The following DIP2C variants were observed in gnomAD, a reference collection of about 807,000 sequenced individuals.
The protein encoded by DIP2C is DIP2 acetate--CoA ligase C (putative).
A neutral mutation model predicts 192.4 loss-of-function variants in DIP2C; 33 were observed. The ratio of observed to expected loss-of-function variants is 0.17; its 90% CI spans 0.13 to 0.23. The LOEUF is 0.23. Among genes scored for constraint, DIP2C ranks in the 10% least tolerant of loss-of-function variants. The pLI is 1.00. For synonymous variants in DIP2C, 979 were observed against 864.1 expected, an observed-to-expected ratio of 1.13 and a Z score of -2.33; for missense variants, 1,537 against 2,110.1, an observed-to-expected ratio of 0.73 and a Z score of 5.32.
chr10:363,420 TACG>T lies in DIP2C; in HGVS notation c.2478-112_2478-110del, dbSNP rs1392817635. ...CACTAGTGAGTGACACAGCTCCAAC[TACG>T]ACTTCAAAACGGCCGCTGTACTTCC... On this transcript the variant is annotated intron_variant, in intron 20 of 36. Coordinates refer to ENST00000280886, the MANE Select transcript of DIP2C (RefSeq NM_014974.3). This position sits in a 1 kb window ranked among gnomAD's most constrained non-coding sequence, Gnocchi z 5.4. 1.1e-6 allele frequency: 1 copy of T among 891,792 alleles called. No individual in the cohort carries two copies. Among genetic ancestry groups the T allele is most frequent in the South Asian group, 1.5e-5 (1 of 65,794 alleles). The allele number at this position is 891,792 out of a possible 1,614,324, so 55.2% of individuals were successfully genotyped here.
chr10:617,918 CTT>C (rs147643192), intron 1 of DIP2C, among the ~76,000 whole-genome samples: 15,344 of 152,150 alleles, frequency 0.1, 993 homozygotes, highest in African/African-American at 0.18. Flanking sequence ...CAGAAATCCA[CTT>C]TGACTTCCCT....
At chr10:633,723 G>GTA (rs1377326497) in intron 1 of DIP2C, among the ~76,000 whole-genome samples, 1 of 152,230 alleles carries the variant, frequency 6.6e-6, no homozygotes, top group Non-Finnish European at 1.5e-5. Flanking sequence ...ACTAAAAACA[G>GTA]TAGGAGGAAA....
chr10:425,972 T>A (rs1966573310), intron 4 of DIP2C, among the ~76,000 whole-genome samples: 1 of 152,228 alleles, frequency 6.6e-6, no homozygotes, highest in African/African-American at 2.4e-5. Context: ...AGATGTCCCC[T>A]CTTGCCACTT....
At chr10:367,155 C>A (rs891788914) in intron 18 of DIP2C, among the ~76,000 whole-genome samples, 2 of 152,248 alleles carry the variant, frequency 1.3e-5, no homozygotes, top group African/African-American at 4.8e-5. Context: ...CGGTGGCTCA[C>A]GCCTGTAATC....
intron 17 of DIP2C, among the ~76,000 whole-genome samples, chr10:370,857 T>C (rs1960869367): frequency 6.6e-6 from 1 of 152,198 alleles, no homozygotes; most frequent in South Asian, 2.1e-4. Context: ...ACATAAAAGT[T>C]AATATTTGGA....
At chr10:364,132 T>C (rs1168692021) in intron 20 of DIP2C, among the ~76,000 whole-genome samples, 2 of 152,210 alleles carry the variant, frequency 1.3e-5, no homozygotes, top group East Asian at 3.8e-4. Context: ...ATATTTCTAT[T>C]ATACTTAGAG....
At chr10:281,466 T>C in intron 35 of DIP2C, 143 bp from the exon 36 acceptor site, 1 of 1,261,902 alleles carries the variant, frequency 7.9e-7, no homozygotes, top group Non-Finnish European at 1.0e-6. Context: ...GGACGTTTGT[T>C]TCCTTCTGCC....
intron 24 of DIP2C, among the ~76,000 whole-genome samples, chr10:351,373 T>C (rs1395590230): frequency 6.6e-6 from 1 of 152,158 alleles, no homozygotes; most frequent in Non-Finnish European, 1.5e-5. Flanking sequence ...AGACAGCCGA[T>C]GAGCGCAGCG....
intron 1 of DIP2C, among the ~76,000 whole-genome samples, chr10:613,378 G>C (rs1384255815): frequency 6.6e-6 from 1 of 152,166 alleles, no homozygotes; most frequent in African/African-American, 2.4e-5. Context: ...CATCTGAGCT[G>C]AGATGTGAAT....
At chr10:580,599 A>AC (rs1400540541) in intron 1 of DIP2C, among the ~76,000 whole-genome samples, 3 of 152,350 alleles carry the variant, frequency 2.0e-5, no homozygotes, top group Non-Finnish European at 2.9e-5. Context: ...TATACATTGT[A>AC]AATACATGTA....
At chr10:525,143 C>T (rs775092054) in intron 1 of DIP2C, among the ~76,000 whole-genome samples, 1 of 152,128 alleles carries the variant, frequency 6.6e-6, no homozygotes, top group Non-Finnish European at 1.5e-5. Context: ...TTAAATGCAT[C>T]ACAGCCCTTA....
At chr10:329,695 AAGG>A (rs1957418333) in intron 29 of DIP2C, 94 bp from the exon 30 acceptor site, 9 of 1,467,346 alleles carry the variant, frequency 6.1e-6, no homozygotes, top group South Asian at 1.4e-5. Context: ...CTCCAAGGAA[AAGG>A]AGGACTTGGA....
At chr10:502,505 GA>G (rs1408946385) in intron 1 of DIP2C, among the ~76,000 whole-genome samples, 1 of 152,010 alleles carries the variant, frequency 6.6e-6, no homozygotes, top group Non-Finnish European at 1.5e-5. Flanking sequence ...CTCAAAGCCA[GA>G]AAAAGACATC....
chr10:407,138 T>C (rs569534184), intron 9 of DIP2C, among the ~76,000 whole-genome samples: 4 of 152,288 alleles, frequency 2.6e-5, no homozygotes, highest in Admixed American at 6.5e-5. Context: ...ACTTTCTCCA[T>C]TGCAATCCCC....
At chr10:626,982 C>T (rs916675208) in intron 1 of DIP2C, among the ~76,000 whole-genome samples, 6 of 152,138 alleles carry the variant, frequency 3.9e-5, no homozygotes, top group Non-Finnish European at 8.8e-5. Context: ...AGTATCAGTG[C>T]CTTGTGCCTT....
intron 9 of DIP2C, among the ~76,000 whole-genome samples, chr10:400,051 A>G (rs1964294243): frequency 6.6e-6 from 1 of 151,966 alleles, no homozygotes. Context: ...AGATATTATG[A>G]TTTTTTTTCT....
intron 13 of DIP2C, among the ~76,000 whole-genome samples, chr10:388,089 C>T (rs1963133421): frequency 6.6e-6 from 1 of 151,986 alleles, no homozygotes; most frequent in African/African-American, 2.4e-5. Flanking sequence ...TATATTTCCC[C>T]CTCTCTGCCT....
intron 17 of DIP2C, among the ~76,000 whole-genome samples, chr10:374,553 G>A (rs943303655): frequency 1.4e-4 from 22 of 152,326 alleles, no homozygotes; most frequent in East Asian, 3.9e-4. Context: ...TGGAGCCAGC[G>A]CCAATCTCAG....
Position 366,404 on chromosome 10 carries a change from C to T in DIP2C, c.2139G>A (p.Met713Ile). The change falls in exon 19 of 37, where the codon ATG (methionine) becomes ATA (isoleucine). Residue 713 changes from methionine to isoleucine, a missense_variant. By Grantham distance (10) the Met-to-Ile change is conservative. Coordinates refer to ENST00000280886, the MANE Select transcript of DIP2C (RefSeq NM_014974.3). The part of the protein sequence containing the change: ...DVGLVMPGAI[M>I]CSVKPDGVPQ... The stretch of plus-strand genomic sequence containing the variant: ...GAACCCCGTCTGGCTTCACTGAACA[C>T]ATGATGGCTAAAAGCAAACAGGAAA... The T allele has an allele frequency of 1.2e-6, 2 of 1,614,180 alleles. No homozygotes were observed. The highest frequency in any genetic ancestry group is 1.1e-5 in the South Asian group (1 of 91,076).
Sources: gnomAD v4.1 joint callset for allele counts (sites outside exome capture counted in the v4.1 genomes callset) on GRCh38, gnomAD v4.1.1 for gene constraint, Gnocchi (gnomAD v3.1) non-coding constraint, MANE v1.5 for transcripts, NCBI Gene and HGNC (gene_info 2026-07-23, HGNC 2026-07-21) for gene names.